The following RBM46 variants were observed in gnomAD, a reference collection of about 807,000 sequenced individuals.
The protein encoded by RBM46 is RNA binding motif protein 46.
Under a neutral mutation model 43.3 loss-of-function variants are expected in RBM46, and 12 were observed. The ratio of observed to expected loss-of-function variants is 0.28; its 90% CI spans 0.18 to 0.45. RBM46 has a LOEUF of 0.45. Among genes scored for constraint, RBM46 ranks in the 20% least tolerant of loss-of-function variants. The pLI, the probability that RBM46 is intolerant of heterozygous loss-of-function variation, is 1.00. For synonymous variants in RBM46, 205 were observed against 207.6 expected, an observed-to-expected ratio of 0.99 and a Z score of 0.11; for missense variants, 412 against 639.1, an observed-to-expected ratio of 0.64 and a Z score of 3.83.
At chr4:154,800,922 GT>G (rs1355983464) in intron 4 of RBM46, among the ~76,000 whole-genome samples, 1 of 151,490 alleles carries the variant, frequency 6.6e-6, no homozygotes, top group Admixed American at 6.6e-5. Context: ...TTTATATATT[GT>G]TTAGGCTTGC....
At chr4:154,827,406 A>T (rs1462693496) in intron 4 of RBM46, 1 of 987,922 alleles carries the variant, frequency 1.0e-6, no homozygotes, top group African/African-American at 1.7e-5. Context: ...GTTTATACCA[A>T]ATGTTTTTGC....
At chr4:154,818,143 A>AAT (rs1224516458) in intron 4 of RBM46, among the ~76,000 whole-genome samples, 3 of 152,108 alleles carry the variant, frequency 2.0e-5, no homozygotes, top group Non-Finnish European at 2.9e-5. Context: ...TTTTATACTT[A>AAT]ATATACATTG....
chr4:154,819,143 T>C (rs1236088787), intron 4 of RBM46, among the ~76,000 whole-genome samples: 1 of 152,214 alleles, frequency 6.6e-6, no homozygotes, highest in Non-Finnish European at 1.5e-5. Flanking sequence ...GGAGACAATT[T>C]GAAGGCTAGC....
At chr4:154,815,017 T>C (rs1407036002) in intron 4 of RBM46, among the ~76,000 whole-genome samples, 4 of 152,038 alleles carry the variant, frequency 2.6e-5, no homozygotes, top group African/African-American at 9.7e-5. Context: ...CCCCAGACAT[T>C]ACTTTCCTTC....
intron 4 of RBM46, among the ~76,000 whole-genome samples, chr4:154,802,767 T>G (rs1000207281): frequency 6.6e-6 from 1 of 152,166 alleles, no homozygotes; most frequent in Non-Finnish European, 1.5e-5. Context: ...TTAAGATATT[T>G]TCTTTGGGGA....
chr4:154,812,523 A>G (rs946678195), intron 4 of RBM46, among the ~76,000 whole-genome samples: 1 of 152,340 alleles, frequency 6.6e-6, no homozygotes, highest in East Asian at 1.9e-4. Flanking sequence ...TAGACAGAAC[A>G]TCAAACAGGC....
chr4:154,803,857 A>G (rs1734770811), intron 4 of RBM46, among the ~76,000 whole-genome samples: 1 of 152,040 alleles, frequency 6.6e-6, no homozygotes, highest in South Asian at 2.1e-4. Context: ...TTGAAATGTA[A>G]TCCCCAGTGT....
chr4:154,791,345 G>A (rs1197802965), intron 1 of RBM46, among the ~76,000 whole-genome samples: 1 of 152,254 alleles, frequency 6.6e-6, no homozygotes, highest in Admixed American at 6.5e-5. Flanking sequence ...GCCAGTTTAG[G>A]AAGTGTCTGG....
intron 4 of RBM46, among the ~76,000 whole-genome samples, chr4:154,817,513 G>T (rs1735511095): frequency 6.6e-6 from 1 of 151,636 alleles, no homozygotes; most frequent in Non-Finnish European, 1.5e-5. Context: ...TGTATTTTTA[G>T]TAGAGATGGG....
chr4:154,802,519 G>A (rs1734685740), intron 4 of RBM46, among the ~76,000 whole-genome samples: 1 of 152,152 alleles, frequency 6.6e-6, no homozygotes, highest in Admixed American at 6.5e-5. Context: ...TTTAGTTAAA[G>A]GTAATAGGGT....
In RBM46 at chr4:154,826,651, A is replaced by G. The variant is rs186530364; in HGVS notation, c.1403-1217A>G. On this transcript the variant is annotated intron_variant, in intron 4 of 4. Transcript: ENST00000281722. ...CAGATCGCTTTGTTGATCTTATGGT[A>G]CCATTCATAAAAAGGTTATAAAATT... 4.7e-3 allele frequency: 2,992 copies of G among 640,260 alleles called. 11 individuals are homozygous for G. The highest frequency in any genetic ancestry group is 6.4e-3 in the Non-Finnish European group (2,390 of 371,664). 39.7% of individuals were successfully genotyped at this position (640,260 alleles called of 1,614,324 possible).
chr4:154,827,621 A>C, intron 4 of RBM46: 1 of 1,257,764 alleles, frequency 8.0e-7, no homozygotes, highest in Non-Finnish European at 1.0e-6. Context: ...GTAGATATCC[A>C]AGAATTCATT....
intron 4 of RBM46, among the ~76,000 whole-genome samples, chr4:154,805,126 A>G (rs1339821837): frequency 1.3e-5 from 2 of 152,136 alleles, no homozygotes; most frequent in South Asian, 2.1e-4. Flanking sequence ...GTAGTTCTGT[A>G]TATTGTTTGC....
intron 4 of RBM46, among the ~76,000 whole-genome samples, chr4:154,805,461 T>G: frequency 6.6e-6 from 1 of 152,078 alleles, no homozygotes; most frequent in East Asian, 1.9e-4. Context: ...GAATCTTGCA[T>G]TTTTTTCTGG....
rs962220756 is a variant in RBM46 at position 154,794,435 on chromosome 4, C to T, written c.-11-2307C>T. On this transcript the variant is annotated intron_variant, in intron 1 of 4. Coordinates refer to ENST00000281722, the MANE Select transcript of RBM46 (RefSeq NM_144979.5). ...GACCTCGTGATCTGCCTGCCTCGGCCTCCCAAAGTGCTGAGATTACAGGCA... is the reference window on the plus strand; with the variant it reads ...GACCTCGTGATCTGCCTGCCTCGGCTTCCCAAAGTGCTGAGATTACAGGCA... Among the ~76,000 whole-genome samples, 5 of 152,088 alleles carry T rather than the reference C, an allele frequency of 3.3e-5. No homozygotes were observed. In the South Asian group the frequency reaches 8.3e-4, roughly 25 times the overall value.
chr4:154,783,067 T>G (rs1436585845), intron 1 of RBM46, among the ~76,000 whole-genome samples: 1 of 152,154 alleles, frequency 6.6e-6, no homozygotes, highest in Non-Finnish European at 1.5e-5. Context: ...GTTTAAAACA[T>G]TCTACTTTAA....
chr4:154,817,447 C>T (rs575588112), intron 4 of RBM46, among the ~76,000 whole-genome samples: 2 of 151,652 alleles, frequency 1.3e-5, no homozygotes, highest in African/African-American at 4.8e-5. Flanking sequence ...ATTCTCTTGC[C>T]TCAGCCTCCC....
rs556256468 is a variant in RBM46, at chr4:154,806,974, C to A, written c.1402+7410C>A. ...CTATTTGATCATGCTTGATTCTTTA[C>A]CCTATAACTTCTTAATGTCTGGTTA... is the stretch of plus-strand genomic sequence containing the variant. On this transcript the variant is annotated intron_variant, in intron 4 of 4. Transcript: ENST00000281722. Among the ~76,000 whole-genome samples, 137 of 151,762 alleles carry A rather than the reference C, an allele frequency of 9.0e-4. 1 individual carries two copies. Among genetic ancestry groups the A allele is most frequent in the Non-Finnish European group, 1.7e-3 (117 of 67,652 alleles).
intron 1 of RBM46, among the ~76,000 whole-genome samples, chr4:154,791,099 T>C (rs1000817352): frequency 4.6e-5 from 7 of 152,212 alleles, no homozygotes; most frequent in Middle Eastern, 3.2e-3. Flanking sequence ...AGTAGCATTT[T>C]CCCATGGTTC....
Sources: gnomAD v4.1 joint callset for allele counts (sites outside exome capture counted in the v4.1 genomes callset) on GRCh38, gnomAD v4.1.1 for gene constraint, MANE v1.5 for transcripts, NCBI Gene and HGNC (gene_info 2026-07-23, HGNC 2026-07-21) for gene names.